CHST15: variants seen among roughly 807,000 people sequenced by gnomAD.
The protein encoded by CHST15 is carbohydrate sulfotransferase 15, also known as B cell RAG associated protein (GALNAC4S-6ST).
A neutral mutation model predicts 53.6 loss-of-function variants in CHST15; 30 were observed. The observed-to-expected ratio is 0.56, with a 90% CI of 0.42 to 0.76. CHST15 has a LOEUF of 0.76. Ranked by LOEUF, CHST15 falls within the 30% of genes least tolerant of loss-of-function variation. The pLI is 0.00. For synonymous variants in CHST15, 296 were observed against 289.8 expected (o/e 1.02, Z -0.22); for missense variants, 627 against 740.5 (o/e 0.85, Z 1.78).
chr10:124,014,588 C>T (rs999044025), intron 6 of CHST15, among the ~76,000 whole-genome samples: 1 of 152,328 alleles, frequency 6.6e-6, no homozygotes, highest in East Asian at 1.9e-4. Context: ...CGAATCATGA[C>T]GAGACCAACT....
At chr10:124,091,908 G>C (rs1359129783) in intron 1 of CHST15, among the ~76,000 whole-genome samples, 1 of 152,122 alleles carries the variant, frequency 6.6e-6, no homozygotes. Context: ...CGCGCCGGCC[G>C]GCCCCGGGCG....
intron 1 of CHST15, among the ~76,000 whole-genome samples, chr10:124,089,700 G>A (rs1009018700): frequency 2.6e-5 from 4 of 152,050 alleles, no homozygotes; most frequent in African/African-American, 7.2e-5. Flanking sequence ...ACTCCCCCGA[G>A]TCCACCCTCC....
chr10:124,087,576 T>C (rs2134250996), intron 1 of CHST15, among the ~76,000 whole-genome samples: 1 of 152,336 alleles, frequency 6.6e-6, no homozygotes, highest in Middle Eastern at 3.4e-3. Flanking sequence ...CAAGTTTCCA[T>C]TATAATGATA....
intron 2 of CHST15, among the ~76,000 whole-genome samples, chr10:124,045,429 C>T (rs1251372291): frequency 6.6e-6 from 1 of 152,162 alleles, no homozygotes. Context: ...AGCCAGCGGC[C>T]CTTGAACATG....
chr10:124,049,391 C>T (rs1042667559), intron 1 of CHST15, among the ~76,000 whole-genome samples: 23 of 152,290 alleles, frequency 1.5e-4, no homozygotes, highest in African/African-American at 5.1e-4. Context: ...TGACACTTTG[C>T]GGGCCAGGAT....
At chr10:124,023,936 C>T (rs1459550868) in intron 5 of CHST15, among the ~76,000 whole-genome samples, 2 of 152,044 alleles carry the variant, frequency 1.3e-5, no homozygotes, top group African/African-American at 2.4e-5. Context: ...CTCCGCCTCC[C>T]GGGTTCAAGC....
intron 5 of CHST15, among the ~76,000 whole-genome samples, chr10:124,032,051 C>T (rs1947246895): frequency 6.6e-6 from 1 of 152,230 alleles, no homozygotes; most frequent in Admixed American, 6.5e-5. Context: ...TCCTCTGTGT[C>T]CCCATGAGTG....
In CHST15 at chr10:124,021,242, G is replaced by GC. The variant is rs774282612; in HGVS notation, c.1347+13_1347+14insG. ...GGGGCCAGCTCGGGGGGTACGGGGG[G>GC]GGGGGGTACACACAGGCATGGCGTT... On this transcript the variant is annotated intron_variant, in intron 6 of 7. Coordinates refer to ENST00000435907, the MANE Select transcript of CHST15 (RefSeq NM_001270764.2). 36 of 1,555,208 alleles carry GC rather than the reference G, an allele frequency of 2.3e-5. No individual in the cohort carries two copies. In the East Asian group the frequency reaches 6.7e-4, roughly 29 times the overall value.
chr10:124,084,984 C>T (rs1214550384), intron 1 of CHST15, among the ~76,000 whole-genome samples: 1 of 152,216 alleles, frequency 6.6e-6, no homozygotes. Context: ...GCCCACACTC[C>T]CCGGGGCAAC....
intron 1 of CHST15, among the ~76,000 whole-genome samples, chr10:124,088,039 T>C (rs372321278): frequency 6.6e-6 from 1 of 152,188 alleles, no homozygotes; most frequent in Non-Finnish European, 1.5e-5. Flanking sequence ...AGGTAGAATA[T>C]ACTGGAATCA....
intron 6 of CHST15, among the ~76,000 whole-genome samples, chr10:124,017,420 T>A (rs1287717363): frequency 6.6e-6 from 1 of 152,112 alleles, no homozygotes; most frequent in Non-Finnish European, 1.5e-5. Flanking sequence ...ACAGTGACAA[T>A]GACTGACTCC....
intron 5 of CHST15, among the ~76,000 whole-genome samples, chr10:124,023,984 T>C (rs949799239): frequency 2.6e-5 from 4 of 152,036 alleles, no homozygotes; most frequent in Non-Finnish European, 5.9e-5. Context: ...GCTGGAATTA[T>C]AGGCGCCTGC....
intron 1 of CHST15, among the ~76,000 whole-genome samples, chr10:124,062,993 GCCCTTCTCCAC>G (rs1948634025): frequency 6.6e-6 from 1 of 152,120 alleles, no homozygotes; most frequent in Admixed American, 6.5e-5. Flanking sequence ...CTGGGAGAGA[GCCCTTCTCCAC>G]CCTGATGTGG....
chr10:124,088,067 G>A (rs1949488674), intron 1 of CHST15, among the ~76,000 whole-genome samples: 3 of 152,200 alleles, frequency 2.0e-5, no homozygotes, highest in South Asian at 2.1e-4. Context: ...AGACATGCAC[G>A]GTTAGGAGCT....
chr10:124,011,321 G>C (rs1345737747), intron 7 of CHST15: 1 of 917,982 alleles, frequency 1.1e-6, no homozygotes, highest in Non-Finnish European at 1.3e-6. Context: ...CCATCTTGGG[G>C]ACAAAAGACA....
At chr10:124,012,206 TC>T in intron 7 of CHST15, 126 bp downstream of exon 7, 1 of 1,050,262 alleles carries the variant, frequency 9.5e-7, no homozygotes, top group South Asian at 1.6e-5. Flanking sequence ...CTGAAGGACA[TC>T]CCCAGGCCTC....
chr10:124,012,480 C>T lies in CHST15; in HGVS notation c.1348G>A (p.Val450Met). Residue 450 changes from valine to methionine, a missense_variant and splice_region_variant, in exon 7 of 8, where the codon GTG becomes ATG. Val to Met is a conservative substitution (Grantham distance 21, BLOSUM62 1). Transcript: ENST00000435907. ...GCATAGAGCCCAACCTGGAGCCTCA[C>T]CTAGGACCACAGAAGAAGGGCATTA... Reference protein sequence around the residue: ...YNNTLNNAMPVRLQVGLYAVY... With the variant: ...YNNTLNNAMPMRLQVGLYAVY... 2 of 1,609,740 alleles carry T rather than the reference C, an allele frequency of 1.2e-6. No homozygotes were observed. Among genetic ancestry groups the T allele is most frequent in the South Asian group, 1.1e-5 (1 of 90,788 alleles).
chr10:124,020,778 G>C, intron 6 of CHST15: 1 of 1,091,062 alleles, frequency 9.2e-7, no homozygotes, highest in Non-Finnish European at 1.1e-6. Flanking sequence ...ACATAGTTCT[G>C]AAGGAAGAAC....
intron 1 of CHST15, among the ~76,000 whole-genome samples, chr10:124,076,339 C>T (rs971667204): frequency 2.6e-5 from 4 of 152,210 alleles, no homozygotes; most frequent in Admixed American, 6.5e-5. Flanking sequence ...AAGAGCCTAG[C>T]GGTAGACTGT....
Sources: gnomAD v4.1 joint callset for allele counts (sites outside exome capture counted in the v4.1 genomes callset) on GRCh38, gnomAD v4.1.1 for gene constraint, MANE v1.5 for transcripts, NCBI Gene and HGNC (gene_info 2026-07-23, HGNC 2026-07-21) for gene names.